The following DOCK10 variants were observed in gnomAD, a reference collection of about 807,000 sequenced individuals.
DOCK10 encodes dedicator of cytokinesis 10.
Under a neutral mutation model 280.1 loss-of-function variants are expected in DOCK10, and 145 were observed. The observed-to-expected ratio is 0.52, with a 90% CI of 0.45 to 0.59. The LOEUF (loss-of-function observed/expected upper bound fraction) is 0.59. Ranked by LOEUF, DOCK10 falls within the 20% of genes least tolerant of loss-of-function variation. The pLI is 0.00. For missense variants in DOCK10, 2,368 were observed against 2,651.7 expected (o/e 0.89, Z 2.35); for synonymous variants, 915 against 942.2 (o/e 0.97, Z 0.53).
intron 1 of DOCK10, among the ~76,000 whole-genome samples, chr2:224,986,664 A>G (rs956733356): frequency 6.6e-6 from 1 of 152,086 alleles, no homozygotes; most frequent in African/African-American, 2.4e-5. Context: ...AGGCCATATG[A>G]AGCCACAGTG....
At chr2:224,856,749 T>C in intron 15 of DOCK10, 111 bp downstream of exon 15, 2 of 1,020,334 alleles carry the variant, frequency 2.0e-6, no homozygotes, top group South Asian at 2.4e-5. Flanking sequence ...GAAAAATATC[T>C]GCTTTCTGGA....
chr2:224,934,680 A>T (rs1702586947), intron 1 of DOCK10, among the ~76,000 whole-genome samples: 1 of 152,226 alleles, frequency 6.6e-6, no homozygotes, highest in Non-Finnish European at 1.5e-5. Flanking sequence ...CCTTGCAGAG[A>T]CATTGAGTGA....
intron 1 of DOCK10, among the ~76,000 whole-genome samples, chr2:224,973,406 G>A (rs999567740): frequency 7.9e-5 from 12 of 152,222 alleles, no homozygotes; most frequent in African/African-American, 2.4e-4. Flanking sequence ...GGGTCCTTAC[G>A]AGTGAAAGAG....
At chr2:224,863,438 T>C (rs114982652) in intron 13 of DOCK10, among the ~76,000 whole-genome samples, 1,952 of 152,292 alleles carry the variant, frequency 0.013, 34 homozygotes, top group African/African-American at 0.044. Context: ...ATATAGACTT[T>C]TAATATTTCT....
intron 4 of DOCK10, among the ~76,000 whole-genome samples, chr2:224,891,617 A>G (rs1439522262): frequency 1.3e-5 from 2 of 152,224 alleles, no homozygotes; most frequent in African/African-American, 4.8e-5. Flanking sequence ...AACTCAGAAG[A>G]TATGAGACAG....
At chr2:225,011,512 G>A (rs182688609) in intron 1 of DOCK10, among the ~76,000 whole-genome samples, 2 of 152,340 alleles carry the variant, frequency 1.3e-5, no homozygotes, top group Admixed American at 1.3e-4. Flanking sequence ...GAGGCCTGCA[G>A]TTATGACTTC....
At position 224,892,397 on chromosome 2, in the gene DOCK10, CAAAA is replaced by C. The variant is rs1174651393; in HGVS notation, c.416+3894_416+3897del. ...CTGGGGACGAAGTGAGACCCTGTCT[CAAAA>C]AAAAAAAAAAAAAAAAAAAAAGAAA... On this transcript the variant is annotated intron_variant, in intron 4 of 55. Coordinates refer to ENST00000258390, the MANE Select transcript of DOCK10 (RefSeq NM_014689.3). Among the ~76,000 whole-genome samples the C allele has an allele frequency of 9.4e-4, 49 of 52,240 alleles. No homozygotes were observed. The South Asian group carries it at 0.049, about 52-fold the overall frequency. 34.3% of individuals were successfully genotyped at this position (52,240 alleles called of 152,430 possible).
Position 224,824,946 on chromosome 2 carries a change from C to T in DOCK10, c.3037-1299G>A, listed in dbSNP as rs146863542. The stretch of plus-strand genomic sequence containing the variant: ...GAAACAGATATTTAATGGAATTTAA[C>T]GGGATGTTGGAGCTGGTTTAGGCTG... On this transcript the variant is annotated intron_variant, in intron 27 of 55. Transcript: ENST00000258390. Among the ~76,000 whole-genome samples, 754 of 149,574 alleles carry T rather than the reference C, an allele frequency of 5.0e-3. 4 individuals are homozygous for T. Among genetic ancestry groups the T allele is most frequent in the African/African-American group, 0.017 (690 of 40,710 alleles).
intron 52 of DOCK10, among the ~76,000 whole-genome samples, chr2:224,774,044 A>G (rs1690651152): frequency 2.0e-5 from 3 of 152,256 alleles, no homozygotes; most frequent in African/African-American, 7.2e-5. Context: ...CAAGTAGTAT[A>G]TATTGATATA....
intron 1 of DOCK10, among the ~76,000 whole-genome samples, chr2:224,995,982 T>C (rs1706262400): frequency 6.6e-6 from 1 of 152,260 alleles, no homozygotes; most frequent in Non-Finnish European, 1.5e-5. Context: ...ATAGATGTTA[T>C]TAACTTCCTT....
Position 224,797,963 on chromosome 2 carries a change from G to A in DOCK10, c.4513C>T (p.Leu1505Phe), listed in dbSNP as rs1360416968. ...SLFTQTHQRQ[L>F]QQCDCQNSLM... ...GAATTTTGACAGTCACATTGTTGGA[G>A]TTGTCTCTGGAAATTCAATGCAGAT... Residue 1505 changes from leucine (L) to phenylalanine (F), a missense_variant, in exon 42 of 56, where the codon CTC (leucine) becomes TTC (phenylalanine). Around this residue, in one of 2 missense-constraint regions of DOCK10, gnomAD observed 1,159 missense variants for 1,400.8 expected, o/e 0.83. Transcript: ENST00000258390. 3 of 1,612,892 alleles carry A rather than the reference G, an allele frequency of 1.9e-6. No homozygotes were observed. Among genetic ancestry groups the A allele is most frequent in the East Asian group, 2.2e-5 (1 of 44,864 alleles).
chr2:224,995,435 A>G, intron 1 of DOCK10, among the ~76,000 whole-genome samples: 1 of 152,210 alleles, frequency 6.6e-6, no homozygotes, highest in South Asian at 2.1e-4. Context: ...ATAATTCAAC[A>G]AGCACTTATT....
chr2:224,908,104 C>A (rs1700771980), intron 3 of DOCK10, among the ~76,000 whole-genome samples: 1 of 148,582 alleles, frequency 6.7e-6, no homozygotes, highest in African/African-American at 2.5e-5. Context: ...TCGTGCAGAC[C>A]TAGCCTCTTG....
intron 3 of DOCK10, among the ~76,000 whole-genome samples, chr2:224,910,250 A>G (rs906682603): frequency 6.6e-6 from 1 of 152,200 alleles, no homozygotes; most frequent in African/African-American, 2.4e-5. Context: ...GTGCTAGCAT[A>G]ATCTAGTTTC....
intron 26 of DOCK10, among the ~76,000 whole-genome samples, chr2:224,832,104 C>A (rs1695279456): frequency 6.6e-6 from 1 of 152,208 alleles, no homozygotes; most frequent in South Asian, 2.1e-4. Context: ...GAACGCACCC[C>A]TTGCATCCTC....
At chr2:224,876,275 A>T in intron 7 of DOCK10, 54 bp from the exon 8 acceptor site, 1 of 1,434,778 alleles carries the variant, frequency 7.0e-7, no homozygotes, top group Non-Finnish European at 9.4e-7. Flanking sequence ...TAAGCCTTCG[A>T]GAGAGAGATC....
intron 1 of DOCK10, among the ~76,000 whole-genome samples, chr2:224,993,897 A>G (rs6706674): frequency 0.27 from 40,787 of 152,058 alleles, 9,727 homozygotes; most frequent in African/African-American, 0.65. Flanking sequence ...TGGGTCTTTA[A>G]GAATATGTGT....
chr2:225,004,201 C>T (rs1361500181), intron 1 of DOCK10, among the ~76,000 whole-genome samples: 1 of 152,186 alleles, frequency 6.6e-6, no homozygotes, highest in Non-Finnish European at 1.5e-5. Context: ...AAGATGAAAT[C>T]CTCTTGGATT....
chr2:224,985,040 G>A (rs1705931958), intron 1 of DOCK10, among the ~76,000 whole-genome samples: 1 of 151,836 alleles, frequency 6.6e-6, no homozygotes, highest in Admixed American at 6.6e-5. Flanking sequence ...TTTAAGATTA[G>A]GTATAAACTC....
Sources: allele counts gnomAD v4.1 joint callset (sites outside exome capture counted in the v4.1 genomes callset), GRCh38; gene constraint gnomAD v4.1.1; regional missense constraint gnomAD v4.1.1; transcripts MANE v1.5; gene names NCBI Gene and HGNC (gene_info 2026-07-23, HGNC 2026-07-21).